The following DENND2A variants were observed in gnomAD, a reference collection of about 807,000 sequenced individuals.
The protein encoded by DENND2A is DENN domain containing 2A, also known as DENN domain-containing protein 2A.
In DENND2A, 53 loss-of-function variants were observed where a neutral mutation model predicts 105.3. The observed-to-expected ratio is 0.50, with a 90% confidence interval of 0.40 to 0.63. The LOEUF (loss-of-function observed/expected upper bound fraction) is 0.63. Ranked by LOEUF, DENND2A falls within the 30% of genes least tolerant of loss-of-function variation. The pLI, the probability that DENND2A is intolerant of heterozygous loss-of-function variation, is 0.00. For missense variants in DENND2A, 1,138 were observed against 1,279.6 expected, an observed-to-expected ratio of 0.89 and a Z score of 1.69; for synonymous variants, 522 against 508.4, an observed-to-expected ratio of 1.03 and a Z score of -0.36.
At chr7:140,560,452 C>G in intron 9 of DENND2A, among the ~76,000 whole-genome samples, 1 of 151,828 alleles carries the variant, frequency 6.6e-6, no homozygotes, top group Middle Eastern at 3.4e-3. Context: ...TTTTTTTCCT[C>G]TCTCTCTCTC....
intron 9 of DENND2A, among the ~76,000 whole-genome samples, chr7:140,566,885 C>G (rs1368810484): frequency 6.6e-6 from 1 of 151,866 alleles, no homozygotes; most frequent in Admixed American, 6.6e-5. Context: ...TTTTAAGTCC[C>G]TGAATCTCTC....
At position 140,546,912 on chromosome 7, in the gene DENND2A, C is replaced by T. The variant is rs749481616; in HGVS notation, c.2065G>A (p.Gly689Ser). Residue 689 changes from glycine (G) to serine (S), a missense_variant, in exon 13 of 20, where the codon GGC becomes AGC. Coordinates refer to ENST00000496613, the MANE Select transcript of DENND2A (RefSeq NM_015689.5). ...RILDEVEKRR[G>S]ISPALVQPLM... ...GGCTGAACCAGGGCAGGAGAGATGCCTCGTCTTTTTTCCACCTCATCCAAG... is the reference window on the plus strand; with the variant it reads ...GGCTGAACCAGGGCAGGAGAGATGCTTCGTCTTTTTTCCACCTCATCCAAG... The T allele has an allele frequency of 1.2e-6, 2 of 1,613,518 alleles. No homozygotes were observed. The highest frequency in any genetic ancestry group is 2.2e-5 in the East Asian group (1 of 44,878).
intron 14 of DENND2A, among the ~76,000 whole-genome samples, chr7:140,538,855 G>A (rs1163064838): frequency 1.3e-5 from 2 of 150,356 alleles, no homozygotes; most frequent in South Asian, 2.1e-4. Context: ...ACAGAGTCTC[G>A]CTCTGTTGCC....
intron 1 of DENND2A, among the ~76,000 whole-genome samples, chr7:140,628,616 G>A (rs1003154388): frequency 6.9e-6 from 1 of 144,204 alleles, no homozygotes; most frequent in Non-Finnish European, 1.5e-5. Context: ...CTCAGCTCAC[G>A]GTAACCTCTG....
chr7:140,604,314 A>G (rs1414367029), intron 2 of DENND2A, among the ~76,000 whole-genome samples: 2 of 152,274 alleles, frequency 1.3e-5, no homozygotes, highest in Admixed American at 6.5e-5. Flanking sequence ...TCTTGGTTGC[A>G]TGGCATAAAA....
intron 15 of DENND2A, among the ~76,000 whole-genome samples, chr7:140,526,748 G>C (rs2130466222): frequency 6.6e-6 from 1 of 152,276 alleles, no homozygotes; most frequent in South Asian, 2.1e-4. Context: ...AGAGGGACAG[G>C]CGTTCCTCCT....
intron 4 of DENND2A, among the ~76,000 whole-genome samples, chr7:140,587,090 G>A (rs1484988630): frequency 2.0e-5 from 3 of 152,300 alleles, no homozygotes; most frequent in African/African-American, 2.4e-5. Flanking sequence ...ATCACATTTA[G>A]TCTGTGTTCT....
intron 1 of DENND2A, among the ~76,000 whole-genome samples, chr7:140,638,525 A>G (rs907365908): frequency 6.6e-6 from 1 of 152,036 alleles, no homozygotes; most frequent in African/African-American, 2.4e-5. Flanking sequence ...CTCCCCACCC[A>G]ACAACTAGAA....
chr7:140,562,695 A>AC (rs142896649), intron 9 of DENND2A, among the ~76,000 whole-genome samples: 11,332 of 151,934 alleles, frequency 0.075, 578 homozygotes, highest in Non-Finnish European at 0.11. Context: ...CAACAAAAAA[A>AC]CCCGCTTCCA....
intron 1 of DENND2A, among the ~76,000 whole-genome samples, chr7:140,639,377 G>T (rs993259325): frequency 6.6e-6 from 1 of 151,820 alleles, no homozygotes; most frequent in Non-Finnish European, 1.5e-5. Context: ...AAAAACAAAC[G>T]AAAGGACTGG....
At chr7:140,570,571 C>A (rs1249533929) in intron 6 of DENND2A, among the ~76,000 whole-genome samples, 2 of 152,176 alleles carry the variant, frequency 1.3e-5, no homozygotes, top group South Asian at 4.1e-4. Context: ...GCCATGCACC[C>A]GAGCGTGCAG....
intron 5 of DENND2A, among the ~76,000 whole-genome samples, chr7:140,585,332 G>A (rs550946916): frequency 1.3e-5 from 2 of 152,232 alleles, no homozygotes; most frequent in African/African-American, 4.8e-5. Context: ...TGGGACGGAT[G>A]TACCATCTTT....
At chr7:140,551,393 G>A (rs1045542549) in intron 12 of DENND2A, among the ~76,000 whole-genome samples, 1 of 152,072 alleles carries the variant, frequency 6.6e-6, no homozygotes, top group African/African-American at 2.4e-5. Flanking sequence ...TTGCCATGCG[G>A]GTTCTCTGGC....
intron 1 of DENND2A, among the ~76,000 whole-genome samples, chr7:140,620,005 C>T (rs370682563): frequency 1.2e-4 from 18 of 151,550 alleles, no homozygotes; most frequent in South Asian, 6.3e-4. Flanking sequence ...CCAGCCTGGC[C>T]GACATAGTGA....
intron 12 of DENND2A, among the ~76,000 whole-genome samples, chr7:140,551,265 C>A (rs113350920): frequency 0.022 from 3,112 of 144,416 alleles, 117 homozygotes; most frequent in African/African-American, 0.076. Flanking sequence ...ACGCCACTGC[C>A]CTCCAGCCTG....
At chr7:140,591,645 CCCTTCCTT>C (rs151123012) in intron 3 of DENND2A, among the ~76,000 whole-genome samples, 4 of 148,210 alleles carry the variant, frequency 2.7e-5, no homozygotes, top group African/African-American at 1.0e-4. Flanking sequence ...TATTTTCCCT[CCCTTCCTT>C]CCTTTCTTTC....
chr7:140,548,726 G>A (rs1797002392), intron 12 of DENND2A, among the ~76,000 whole-genome samples: 1 of 151,094 alleles, frequency 6.6e-6, no homozygotes, highest in Admixed American at 6.6e-5. Context: ...CAATTCTCCT[G>A]CCTCAGCCTC....
intron 1 of DENND2A, among the ~76,000 whole-genome samples, chr7:140,636,660 T>C (rs560520760): frequency 6.6e-5 from 10 of 151,232 alleles, no homozygotes; most frequent in African/African-American, 2.4e-4. Context: ...TAAGTATCAG[T>C]TGTTTTGAAT....
intron 14 of DENND2A, among the ~76,000 whole-genome samples, chr7:140,533,788 C>T (rs1289643813): frequency 6.6e-6 from 1 of 152,158 alleles, no homozygotes. Flanking sequence ...CTGCAACAAA[C>T]GTTTCTGTAC....
Sources: allele counts gnomAD v4.1 joint callset (sites outside exome capture counted in the v4.1 genomes callset), GRCh38; gene constraint gnomAD v4.1.1; transcripts MANE v1.5; gene names NCBI Gene and HGNC (gene_info 2026-07-23, HGNC 2026-07-21).